PLEKHH2: variants seen among roughly 807,000 people sequenced by gnomAD.
The protein encoded by PLEKHH2 is pleckstrin homology domain-containing family H member 2.
PLEKHH2 carries 129 observed loss-of-function variants against 187.9 expected under a neutral mutation model. The observed-to-expected ratio is 0.69, with a 90% CI of 0.59 to 0.79. The LOEUF (loss-of-function observed/expected upper bound fraction) is 0.79, where lower values mean the gene tolerates loss of function less well. PLEKHH2 is among the 30% of genes least tolerant of loss of function. PLEKHH2 has a pLI of 0.00. For missense variants in PLEKHH2, 2,076 were observed against 1,751.2 expected, an observed-to-expected ratio of 1.19 and a Z score of -3.31; for synonymous variants, 686 against 605.6, an observed-to-expected ratio of 1.13 and a Z score of -1.95.
chr2:43,704,151 C>A, intron 9 of PLEKHH2, 95 bp downstream of exon 9: 5 of 838,502 alleles, frequency 6.0e-6, no homozygotes, highest in South Asian at 1.9e-5. Flanking sequence ...CACAAAAAGA[C>A]AAATACTGTA....
intron 1 of PLEKHH2, among the ~76,000 whole-genome samples, chr2:43,638,818 C>G (rs1194965200): frequency 6.9e-6 from 1 of 145,484 alleles, no homozygotes; most frequent in Non-Finnish European, 1.5e-5. Flanking sequence ...TACTTGTTAA[C>G]TAACTGAAAT....
At position 43,729,732 on chromosome 2, in the gene PLEKHH2, A is replaced by G. The variant is rs927724464; in HGVS notation, c.2817A>G (p.Ile939Met). ...FEQLVCKLLN[I>M]DGEPSSQIWR... ...AACTGGTTTGCAAATTGCTAAATAT[A>G]GACGGGGAGCCTTGTAAGTTCATAA... The change falls in exon 18 of 30, where the codon ATA (isoleucine) becomes ATG (methionine). Residue 939 changes from isoleucine (I) to methionine (M), a missense_variant. Ile to Met is a conservative substitution (Grantham distance 10, BLOSUM62 1). Transcript: ENST00000282406. 4.4e-6 allele frequency: 7 copies of G among 1,598,270 alleles called. 1 individual carries two copies. The highest frequency in any genetic ancestry group is 1.3e-5 in the African/African-American group (1 of 74,198).
chr2:43,659,305 A>C (rs374696850), intron 2 of PLEKHH2, among the ~76,000 whole-genome samples: 2 of 151,790 alleles, frequency 1.3e-5, no homozygotes, highest in African/African-American at 4.8e-5. Flanking sequence ...CAAAGACTTT[A>C]AACTGGTTTA....
At chr2:43,692,473 G>T in intron 3 of PLEKHH2, 41 bp from the exon 4 acceptor site, 1 of 1,483,446 alleles carries the variant, frequency 6.7e-7, no homozygotes, top group South Asian at 1.2e-5. Flanking sequence ...GTGATAACCT[G>T]AGTACACACA....
At chr2:43,650,638 CTTTTCTT>C (rs1277852987) in intron 2 of PLEKHH2, among the ~76,000 whole-genome samples, 2 of 150,324 alleles carry the variant, frequency 1.3e-5, no homozygotes, top group Non-Finnish European at 3.0e-5. Flanking sequence ...TACCTTTCTT[CTTTTCTT>C]TTTTCTTTTT....
chr2:43,730,352 A>C (rs1474515421), intron 18 of PLEKHH2, among the ~76,000 whole-genome samples: 8 of 152,210 alleles, frequency 5.3e-5, no homozygotes, highest in African/African-American at 1.9e-4. Flanking sequence ...AGTGTGGCCC[A>C]GGGAAGCCAA....
intron 16 of PLEKHH2, among the ~76,000 whole-genome samples, chr2:43,722,306 T>C (rs919577182): frequency 6.6e-6 from 1 of 151,660 alleles, no homozygotes; most frequent in Non-Finnish European, 1.5e-5. Flanking sequence ...ACGTAAATAT[T>C]AGAGAAGTTT....
In PLEKHH2 at chr2:43,764,241, G is replaced by C. The variant is rs1198919606; in HGVS notation, c.4172G>C (p.Ser1391Thr). 1 of 1,512,548 alleles carries C rather than the reference G, an allele frequency of 6.6e-7. No homozygotes were observed. Among genetic ancestry groups the C allele is most frequent in the Admixed American group, 2.2e-5 (1 of 45,084 alleles). 93.7% of individuals were successfully genotyped at this position (1,512,548 alleles called of 1,614,324 possible). A position where few individuals can be genotyped will look rare whatever the true frequency, so the allele number is the denominator to read the frequency against. The change falls in exon 29 of 30, where the codon AGC (serine) becomes ACC (threonine). Residue 1391 changes from serine (S) to threonine (T), a missense_variant. Ser to Thr is a moderately conservative substitution (Grantham distance 58). Transcript: ENST00000282406. ...LEYNSMRLIV[S>T]YVYKSLMTFG... Reference sequence around the variant, plus strand: ...TTATCTTTAAAGAGGTTAATAGTCAGCTATGTGTACAAGAGTCTAATGACC... The same window carrying C: ...TTATCTTTAAAGAGGTTAATAGTCACCTATGTGTACAAGAGTCTAATGACC...
intron 9 of PLEKHH2, among the ~76,000 whole-genome samples, chr2:43,705,839 G>C (rs1304332483): frequency 6.6e-6 from 1 of 152,068 alleles, no homozygotes; most frequent in East Asian, 1.9e-4. Flanking sequence ...AAACTCCTGG[G>C]CTCAAGCGAT....
At chr2:43,728,102 T>C (rs150486075) in intron 17 of PLEKHH2, among the ~76,000 whole-genome samples, 9 of 152,324 alleles carry the variant, frequency 5.9e-5, no homozygotes, top group African/African-American at 1.7e-4. Context: ...CTTTGGAAAG[T>C]ACTTTGAAAA....
intron 2 of PLEKHH2, among the ~76,000 whole-genome samples, chr2:43,656,992 C>T (rs540361060): frequency 3.0e-4 from 45 of 152,260 alleles, no homozygotes; most frequent in African/African-American, 1.1e-3. Flanking sequence ...GCACTCTAGC[C>T]TGGGCAACAA....
rs1391629675 is a variant in PLEKHH2, at chr2:43,738,360, A to G, written c.2963A>G (p.Asn988Ser). The G allele has an allele frequency of 6.2e-7, 1 of 1,610,098 alleles. No individual in the cohort carries two copies. The highest frequency in any genetic ancestry group is 2.2e-5 in the East Asian group (1 of 44,820). Residue 988 changes from asparagine (N) to serine (S), a missense_variant, in exon 20 of 30, where the codon AAT becomes AGT. Asn to Ser is a conservative substitution (Grantham distance 46). Coordinates refer to ENST00000282406, the MANE Select transcript of PLEKHH2 (RefSeq NM_172069.4). ...KLFKTCQLFI[N>S]AAVDSPAIDY... ...ATTCAGACCTGCCAGCTTTTTATAA[A>G]TGCTGCAGTTGACTCTCCTGCAATT...
intron 6 of PLEKHH2, among the ~76,000 whole-genome samples, chr2:43,696,839 T>C (rs1470640266): frequency 6.6e-6 from 1 of 152,236 alleles, no homozygotes; most frequent in Non-Finnish European, 1.5e-5. Context: ...TGTCAATACT[T>C]GACTTTGCAG....
intron 3 of PLEKHH2, among the ~76,000 whole-genome samples, chr2:43,679,347 G>A (rs529660276): frequency 1.5e-4 from 23 of 151,978 alleles, no homozygotes; most frequent in Non-Finnish European, 1.9e-4. Context: ...TGTTTCTAAG[G>A]ATTTGCATTA....
At chr2:43,690,918 T>C (rs561328383) in intron 3 of PLEKHH2, among the ~76,000 whole-genome samples, 22 of 152,362 alleles carry the variant, frequency 1.4e-4, no homozygotes, top group South Asian at 8.3e-4. Context: ...AAGGTGGTGA[T>C]AGGAAAATCT....
chr2:43,642,007 C>CA (rs1332953625), intron 1 of PLEKHH2, among the ~76,000 whole-genome samples: 1 of 152,108 alleles, frequency 6.6e-6, no homozygotes, highest in African/African-American at 2.4e-5. Flanking sequence ...TCAATTTCTG[C>CA]AAAAAATGCA....
Position 43,678,872 on chromosome 2 carries a change from C to G in PLEKHH2, c.133C>G (p.Leu45Val). ...RELLAEKMQQ[L>V]ERQVIDAERQ... The stretch of plus-strand genomic sequence containing the variant: ...TTCCCTCACTCTACAGATGCAACAG[C>G]TTGAGAGACAAGTTATTGATGCTGA... The change falls in exon 3 of 30, where the codon CTT (leucine) becomes GTT (valine). Residue 45 changes from leucine to valine, a missense_variant. Transcript: ENST00000282406. 1 of 1,603,418 alleles carries G rather than the reference C, an allele frequency of 6.2e-7. No homozygotes were observed. Among genetic ancestry groups the G allele is most frequent in the Non-Finnish European group, 8.5e-7 (1 of 1,172,776 alleles).
chr2:43,755,973 A>T (rs1399185807), intron 25 of PLEKHH2, among the ~76,000 whole-genome samples: 1 of 152,208 alleles, frequency 6.6e-6, no homozygotes, highest in Non-Finnish European at 1.5e-5. Context: ...GAGATACAGC[A>T]AAAATGTGAA....
At position 43,710,062 on chromosome 2, in the gene PLEKHH2, A is replaced by T; in HGVS notation, c.2039A>T (p.Glu680Val). The T allele has an allele frequency of 6.2e-7, 1 of 1,613,542 alleles. No individual in the cohort carries two copies. Among genetic ancestry groups the T allele is most frequent in the Non-Finnish European group, 8.5e-7 (1 of 1,179,512 alleles). The change falls in exon 12 of 30, where the codon GAG becomes GTG. Residue 680 changes from glutamate to valine, a missense_variant. Coordinates refer to ENST00000282406, the MANE Select transcript of PLEKHH2 (RefSeq NM_172069.4). Reference sequence around the variant, plus strand: ...CCTGATGCTTACTCCACAGACACGGAGTACTCACAGCCAGAGCAGAAGCTC... The same window carrying T: ...CCTGATGCTTACTCCACAGACACGGTGTACTCACAGCCAGAGCAGAAGCTC... ...IPPDAYSTDT[E>V]YSQPEQKLPK...
Sources: allele counts gnomAD v4.1 joint callset (sites outside exome capture counted in the v4.1 genomes callset), GRCh38; gene constraint gnomAD v4.1.1; transcripts MANE v1.5; gene names NCBI Gene and HGNC (gene_info 2026-07-23, HGNC 2026-07-21).